Variants in KAZN observed in about 807,000 individuals in gnomAD.
KAZN encodes the protein kazrin.
In KAZN, 40 loss-of-function variants were observed where a neutral mutation model predicts 87.4. That is an observed-to-expected ratio of 0.46 (90% CI 0.36 to 0.60). The LOEUF (loss-of-function observed/expected upper bound fraction) is 0.60, where lower values mean the gene tolerates loss of function less well. KAZN is among the 20% of genes least tolerant of loss of function. KAZN has a pLI of 0.00. For synonymous variants in KAZN, 466 were observed against 458.3 expected, an observed-to-expected ratio of 1.02 and a Z score of -0.22; for missense variants, 898 against 1,073.9, an observed-to-expected ratio of 0.84 and a Z score of 2.29.
intron 2 of KAZN, among the ~76,000 whole-genome samples, chr1:14,443,609 G>T (rs1189424511): frequency 6.6e-6 from 1 of 152,222 alleles, no homozygotes; most frequent in Non-Finnish European, 1.5e-5. Flanking sequence ...TGTTAACTGG[G>T]ATGGGAAGAT....
chr1:14,387,651 TGAG>T (rs902572954), intron 2 of KAZN, among the ~76,000 whole-genome samples: 2 of 152,146 alleles, frequency 1.3e-5, no homozygotes, highest in African/African-American at 4.8e-5. Context: ...GGGACCCACT[TGAG>T]GAGGCAGTCT....
At chr1:14,679,423 T>C (rs1363237489) in intron 1 of KAZN, among the ~76,000 whole-genome samples, 1 of 151,756 alleles carries the variant, frequency 6.6e-6, no homozygotes. Flanking sequence ...TGGGGTGATA[T>C]GGGGTAGGGG....
At chr1:14,094,842 C>T (rs1644090629) in intron 1 of KAZN, among the ~76,000 whole-genome samples, 1 of 152,172 alleles carries the variant, frequency 6.6e-6, no homozygotes, top group Admixed American at 6.5e-5. Flanking sequence ...CAGGGTTGGA[C>T]ATTCCATCTT....
intron 1 of KAZN, among the ~76,000 whole-genome samples, chr1:13,997,763 C>T (rs191332829): frequency 1.3e-3 from 193 of 152,096 alleles, no homozygotes; most frequent in African/African-American, 4.1e-3. Context: ...TTGAAGGAGA[C>T]GGAGAGAATA....
chr1:14,809,986 G>GT (rs1646355895), intron 1 of KAZN, among the ~76,000 whole-genome samples: 2 of 152,246 alleles, frequency 1.3e-5, no homozygotes, highest in African/African-American at 4.8e-5. Flanking sequence ...GATACTCTTT[G>GT]TTTTCGGAGG....
At chr1:14,523,531 G>T (rs751303142) in intron 2 of KAZN, among the ~76,000 whole-genome samples, 1 of 152,238 alleles carries the variant, frequency 6.6e-6, no homozygotes, top group Admixed American at 6.5e-5. Context: ...ACAAAGTCAT[G>T]AATAATTACC....
At chr1:14,189,062 G>A (rs1440224001) in intron 2 of KAZN, among the ~76,000 whole-genome samples, 3 of 152,120 alleles carry the variant, frequency 2.0e-5, no homozygotes, top group African/African-American at 4.8e-5. Flanking sequence ...TAAATCTGAC[G>A]TTGAACCTGG....
intron 1 of KAZN, among the ~76,000 whole-genome samples, chr1:14,756,839 C>T (rs1644581602): frequency 6.6e-6 from 1 of 152,118 alleles, no homozygotes; most frequent in Admixed American, 6.5e-5. Context: ...CTGGCTTGGC[C>T]ACATTTCAGT....
In KAZN at chr1:14,057,880, G is replaced by A. The variant is rs12026096; in HGVS notation, c.92-122555G>A. Among the ~76,000 whole-genome samples, 987 of 152,230 alleles carry A rather than the reference G, an allele frequency of 6.5e-3. 27 individuals carry two copies. The East Asian group carries it at 0.089, about 14-fold the overall frequency. On this transcript the variant is annotated intron_variant, in intron 1 of 16. Transcript: ENST00000636203. ...TAGTAGGTCTTCAATAGATATTTTC[G>A]GAAAAATTAATGTGACTAGAGTGCT...
intron 1 of KAZN, among the ~76,000 whole-genome samples, chr1:13,999,363 AAAACAAAAAACAAAAAAAC>A (rs1639678350): frequency 6.7e-6 from 1 of 149,528 alleles, no homozygotes; most frequent in African/African-American, 2.6e-5. Context: ...CAAAAAACAA[AAAACAAAAAACAAAAAAAC>A]AAACAAAAAA....
At chr1:14,243,273 A>G (rs556882964) in intron 2 of KAZN, among the ~76,000 whole-genome samples, 1 of 152,170 alleles carries the variant, frequency 6.6e-6, no homozygotes, top group East Asian at 1.9e-4. Flanking sequence ...ACCTGCATAT[A>G]CCTGAAGAAT....
chr1:14,237,737 C>T (rs1648557664), intron 2 of KAZN, among the ~76,000 whole-genome samples: 1 of 152,100 alleles, frequency 6.6e-6, no homozygotes, highest in Admixed American at 6.6e-5. Context: ...AATGTTACAT[C>T]CTGGGATTCC....
chr1:14,273,900 G>A (rs1389097268), intron 2 of KAZN, among the ~76,000 whole-genome samples: 1 of 152,070 alleles, frequency 6.6e-6, no homozygotes, highest in Non-Finnish European at 1.5e-5. Flanking sequence ...AAGCGCTTGG[G>A]TGAAAGTAAC....
chr1:14,396,235 G>A (rs1000256700), intron 2 of KAZN, among the ~76,000 whole-genome samples: 1 of 151,464 alleles, frequency 6.6e-6, no homozygotes, highest in Non-Finnish European at 1.5e-5. Context: ...ACACTGGTCT[G>A]CACTGAATGT....
chr1:15,088,790 G>A (rs1373425055), intron 8 of KAZN, among the ~76,000 whole-genome samples: 1 of 152,096 alleles, frequency 6.6e-6, no homozygotes, highest in Non-Finnish European at 1.5e-5. Flanking sequence ...GAAGGAGGCG[G>A]TGGTGAATAG....
At chr1:13,909,994 C>T (rs1639590790) in intron 1 of KAZN, among the ~76,000 whole-genome samples, 1 of 152,164 alleles carries the variant, frequency 6.6e-6, no homozygotes, top group Admixed American at 6.5e-5. Context: ...AGATGCCACT[C>T]CCAATAGCTG....
At chr1:14,799,683 C>T (rs750236323) in intron 1 of KAZN, among the ~76,000 whole-genome samples, 4 of 152,274 alleles carry the variant, frequency 2.6e-5, no homozygotes, top group Non-Finnish European at 4.4e-5. Flanking sequence ...CAAAATTCCT[C>T]GTGCGATGGT....
At chr1:14,929,607 A>G (rs1659573532) in intron 1 of KAZN, among the ~76,000 whole-genome samples, 1 of 152,140 alleles carries the variant, frequency 6.6e-6, no homozygotes. Context: ...AGATAAGCAC[A>G]CCCAACATGT....
chr1:14,870,793 G>GTGTC (rs1289886511), intron 1 of KAZN, among the ~76,000 whole-genome samples: 1 of 152,194 alleles, frequency 6.6e-6, no homozygotes, highest in East Asian at 1.9e-4. Context: ...GTGGCACTAT[G>GTGTC]TGTCACTGTG....
Sources: allele counts gnomAD v4.1 joint callset (sites outside exome capture counted in the v4.1 genomes callset), GRCh38; gene constraint gnomAD v4.1.1; transcripts MANE v1.5; gene names NCBI Gene and HGNC (gene_info 2026-07-23, HGNC 2026-07-21).